PAX1: variants seen among roughly 807,000 people sequenced by gnomAD.
PAX1 encodes paired box 1.
In PAX1, 18 loss-of-function variants were observed where a neutral mutation model predicts 35.6. That is an observed-to-expected ratio of 0.50 (90% CI 0.35 to 0.75). The LOEUF (loss-of-function observed/expected upper bound fraction) is 0.75, where lower values mean the gene tolerates loss of function less well. PAX1 is among the 30% of genes least tolerant of loss of function. The probability of loss-of-function intolerance (pLI) is 0.01; values close to 1 mark genes in which losing one functional copy is unlikely to be tolerated. For missense variants in PAX1, 760 were observed against 661.5 expected (o/e 1.15, Z -1.63); for synonymous variants, 397 against 305.2 (o/e 1.30, Z -3.14).
intron 4 of PAX1, among the ~76,000 whole-genome samples, chr20:21,711,559 A>C (rs755800392): frequency 2.6e-5 from 4 of 152,236 alleles, no homozygotes; most frequent in Non-Finnish European, 4.4e-5. Flanking sequence ...AGCTACAGCA[A>C]TAATTTGTTA....
At position 21,714,505 on chromosome 20, in the gene PAX1, G is replaced by A. The variant is rs576511271; in HGVS notation, c.1317G>A (p.Lys439=). Residue 439 remains lysine, a synonymous_variant, in exon 5 of 5, where the codon AAG becomes AAA. Coordinates refer to ENST00000613128, the MANE Select transcript of PAX1 (RefSeq NM_001257096.2). ...GGAAGCCTCCCAGCTCCGGCAGCAA[G>A]GCCCCGGACGCCCTCAGTAGCTTAC... is the stretch of plus-strand genomic sequence containing the variant. The part of the protein sequence containing the change: ...ADRKPPSSGS[K]APDALSSLHG... 3.0e-5 allele frequency: 47 copies of A among 1,593,040 alleles called. 2 individuals are homozygous for A. The South Asian group carries it at 5.1e-4, about 17-fold the overall frequency.
intron 3 of PAX1, 43 bp downstream of exon 3, chr20:21,708,743 C>T: frequency 6.2e-7 from 1 of 1,604,564 alleles, no homozygotes; most frequent in Admixed American, 1.7e-5. Flanking sequence ...AGTAGGGAAG[C>T]AGAAGGTTTG....
intron 4 of PAX1, among the ~76,000 whole-genome samples, chr20:21,711,825 TC>T (rs1356441778): frequency 1.3e-5 from 2 of 152,204 alleles, no homozygotes; most frequent in African/African-American, 4.8e-5. Flanking sequence ...AAAGATCTAT[TC>T]CCTCAACACA....
Position 21,709,509 on chromosome 20 carries a change from G to C in PAX1, c.1282+65G>C, listed in dbSNP as rs1985134154. 2.4e-6 allele frequency: 3 copies of C among 1,269,488 alleles called. No individual in the cohort carries two copies. In the Admixed American group the frequency reaches 8.0e-5, roughly 34 times the overall value. 78.6% of individuals were successfully genotyped at this position (1,269,488 alleles called of 1,614,324 possible). A position where few individuals can be genotyped will look rare whatever the true frequency, so the allele number is the denominator to read the frequency against. On this transcript the variant is annotated intron_variant, in intron 4 of 4. Coordinates refer to ENST00000613128, the MANE Select transcript of PAX1 (RefSeq NM_001257096.2). ...GGTTAGGAAGGGTACTGGGGAGCGG[G>C]TGTGAGCCTGGGAAAAGGGAGAGCG...
In PAX1 at chr20:21,714,481, G is replaced by T; in HGVS notation, c.1293G>T (p.Arg431Ser). ...TGCTTCCTCCCGCAGTGGCTGACAG[G>T]AAGCCTCCCAGCTCCGGCAGCAAGG... is the stretch of plus-strand genomic sequence containing the variant. ...FKHPSREVAD[R>S]KPPSSGSKAP... The change falls in exon 5 of 5, where the codon AGG becomes AGT. Residue 431 changes from arginine (R) to serine (S), a missense_variant. Coordinates refer to ENST00000613128, the MANE Select transcript of PAX1 (RefSeq NM_001257096.2). 6.3e-7 allele frequency: 1 copy of T among 1,581,106 alleles called. No individual in the cohort carries two copies. Among genetic ancestry groups the T allele is most frequent in the Non-Finnish European group, 8.6e-7 (1 of 1,165,960 alleles).
intron 4 of PAX1, among the ~76,000 whole-genome samples, chr20:21,711,241 G>T (rs1985191248): frequency 6.6e-6 from 1 of 152,248 alleles, no homozygotes; most frequent in Non-Finnish European, 1.5e-5. Flanking sequence ...GTCTTCAGAG[G>T]AATGCATTTG....
rs1383285127 is a variant in PAX1 at position 21,709,268 on chromosome 20, C to T, written c.1106C>T (p.Ala369Val). The T allele has an allele frequency of 1.2e-6, 2 of 1,606,158 alleles. No homozygotes were observed. Among genetic ancestry groups the T allele is most frequent in the Non-Finnish European group, 1.7e-6 (2 of 1,179,738 alleles). The change falls in exon 4 of 5, where the codon GCC (alanine) becomes GTC (valine). Residue 369 changes from alanine (A) to valine (V), a missense_variant. Transcript: ENST00000613128. ...GTGGGCGGCTTTCTCCCCGCCTGCG[C>T]CTACCCGGCCTCCAACCAGCACGGC... ...SAVGGFLPACAYPASNQHGVY... is the reference protein window; with the variant it reads ...SAVGGFLPACVYPASNQHGVY...
At position 21,714,699 on chromosome 20, in the gene PAX1, G is replaced by T. The variant is rs548505195; in HGVS notation, c.*137G>T. Reference sequence around the variant, plus strand: ...GGAGGAAGCCAGTGCCGGCCCGCGGGGTGCACGCCCAGCCAGCCCCCAGGC... The same window carrying T: ...GGAGGAAGCCAGTGCCGGCCCGCGGTGTGCACGCCCAGCCAGCCCCCAGGC... On this transcript the variant is annotated 3_prime_UTR_variant, in exon 5 of 5. Coordinates refer to ENST00000613128, the MANE Select transcript of PAX1 (RefSeq NM_001257096.2). 1.2e-6 allele frequency: 2 copies of T among 1,606,068 alleles called. No individual in the cohort carries two copies. Among genetic ancestry groups the T allele is most frequent in the Non-Finnish European group, 1.7e-6 (2 of 1,179,520 alleles).
intron 4 of PAX1, among the ~76,000 whole-genome samples, chr20:21,712,386 A>G (rs17861046): frequency 0.011 from 1,636 of 152,284 alleles, 30 homozygotes; most frequent in African/African-American, 0.038. Context: ...AGAATAGAAA[A>G]AGTTTCGCTT....
Position 21,714,697 on chromosome 20 carries a change from G to A in PAX1, c.*135G>A, listed in dbSNP as rs1568698574. The A allele has an allele frequency of 6.2e-7, 1 of 1,605,962 alleles. No homozygotes were observed. The highest frequency in any genetic ancestry group is 1.3e-5 in the African/African-American group (1 of 74,910). On this transcript the variant is annotated 3_prime_UTR_variant, in exon 5 of 5. Transcript: ENST00000613128. ...GAGGAGGAAGCCAGTGCCGGCCCGCGGGGTGCACGCCCAGCCAGCCCCCAG... is the reference window on the plus strand; with the variant it reads ...GAGGAGGAAGCCAGTGCCGGCCCGCAGGGTGCACGCCCAGCCAGCCCCCAG...
chr20:21,711,436 C>T (rs1186530526), intron 4 of PAX1, among the ~76,000 whole-genome samples: 1 of 152,198 alleles, frequency 6.6e-6, no homozygotes, highest in East Asian at 1.9e-4. Context: ...GATTGATTTT[C>T]TTTAGAAGAC....
chr20:21,714,969 C>A lies in PAX1; in HGVS notation c.*407C>A. 1 of 709,414 alleles carries A rather than the reference C, an allele frequency of 1.4e-6. No individual in the cohort carries two copies. The highest frequency in any genetic ancestry group is 2.5e-6 in the Non-Finnish European group (1 of 402,434). 43.9% of individuals were successfully genotyped at this position (709,414 alleles called of 1,614,324 possible). A position where few individuals can be genotyped will look rare whatever the true frequency, so the allele number is the denominator to read the frequency against. On this transcript the variant is annotated 3_prime_UTR_variant, in exon 5 of 5. Coordinates refer to ENST00000613128, the MANE Select transcript of PAX1 (RefSeq NM_001257096.2). Reference sequence around the variant, plus strand: ...CTCCCTCCCTTCCCTTTCTCTTTCCCTTCCTCCCTACCTTCCACCCCGGCT... The same window carrying A: ...CTCCCTCCCTTCCCTTTCTCTTTCCATTCCTCCCTACCTTCCACCCCGGCT...
intron 4 of PAX1, 126 bp downstream of exon 4, chr20:21,709,570 C>A: frequency 1.4e-6 from 1 of 690,646 alleles, no homozygotes; most frequent in Middle Eastern, 4.1e-4. Flanking sequence ...ATGAACCCTT[C>A]TTCTGGGTTA....
At chr20:21,709,583 C>G in intron 4 of PAX1, 139 bp downstream of exon 4, 2 of 654,794 alleles carry the variant, frequency 3.1e-6, no homozygotes, top group Non-Finnish European at 5.1e-6. Context: ...CTGGGTTAAC[C>G]TTTGAGCATG....
In PAX1 at chr20:21,705,801, G is replaced by A. The variant is rs1984957649; in HGVS notation, c.89G>A (p.Gly30Asp). 2.3e-6 allele frequency: 3 copies of A among 1,281,030 alleles called. No homozygotes were observed. Among genetic ancestry groups the A allele is most frequent in the South Asian group, 6.3e-5 (2 of 31,664 alleles). 79.4% of individuals were successfully genotyped at this position (1,281,030 alleles called of 1,614,324 possible). ...GCGGCGGCAGGCCCTGGAGCGGGCG[G>A]CAGCGCGCTCCGCTGCCGCGCACAG... Reference protein sequence around the residue: ...AAAAAGPGAGGSALRCRAQRV... With the variant: ...AAAAAGPGAGDSALRCRAQRV... The change falls in exon 1 of 5, where the codon GGC becomes GAC. Residue 30 changes from glycine (G) to aspartate (D), a missense_variant. This residue lies in a region of PAX1 where 222 missense variants were observed against 153.0 expected (regional missense o/e 1.45). Coordinates refer to ENST00000613128, the MANE Select transcript of PAX1 (RefSeq NM_001257096.2).
chr20:21,708,139 G>T (rs1281048840), intron 2 of PAX1: 2 of 313,672 alleles, frequency 6.4e-6, no homozygotes, highest in Non-Finnish European at 1.2e-5. Flanking sequence ...GTTTCCAGAG[G>T]CAGTTCTCGT....
Position 21,705,824 on chromosome 20 carries a change from C to A in PAX1, c.112C>A (p.Gln38Lys). 2 of 1,336,254 alleles carry A rather than the reference C, an allele frequency of 1.5e-6. No homozygotes were observed. Among genetic ancestry groups the A allele is most frequent in the South Asian group, 2.0e-5 (1 of 49,574 alleles). 82.8% of individuals were successfully genotyped at this position (1,336,254 alleles called of 1,614,324 possible). The part of the protein sequence containing the change: ...AGGSALRCRA[Q>K]RVSSPRLGRR... ...CGGCAGCGCGCTCCGCTGCCGCGCA[C>A]AGCGCGTCTCCAGCCCGCGGCTGGG... The change falls in exon 1 of 5, where the codon CAG (glutamine) becomes AAG (lysine). Residue 38 changes from glutamine (Q) to lysine (K), a missense_variant. Transcript: ENST00000613128.
chr20:21,707,647 A>T (rs1600325955), intron 2 of PAX1, among the ~76,000 whole-genome samples: 1 of 152,302 alleles, frequency 6.6e-6, no homozygotes, highest in East Asian at 1.9e-4. Flanking sequence ...CTATAGGTCA[A>T]GTGGGTGACG....
rs1260730634 is a variant in PAX1, at chr20:21,706,937, C to T, written c.786C>T (p.Pro262=). Reference sequence around the variant, plus strand: ...ACCCCTACCCCAGTCCCGTGTCGCCCACGGGCGCCAAGATGGGCAGCCACC... The same window carrying T: ...ACCCCTACCCCAGTCCCGTGTCGCCTACGGGCGCCAAGATGGGCAGCCACC... The part of the protein sequence containing the change: ...YQYPYPSPVS[P]TGAKMGSHPG... The change falls in exon 2 of 5, where the codon CCC becomes CCT. Residue 262 remains proline, a synonymous_variant. Transcript: ENST00000613128. This position sits in a 1 kb window ranked among gnomAD's most constrained non-coding sequence, Gnocchi z 5.3. 6.2e-7 allele frequency: 1 copy of T among 1,612,564 alleles called. No individual in the cohort carries two copies. The highest frequency in any genetic ancestry group is 1.1e-5 in the South Asian group (1 of 91,046).
Sources: gnomAD v4.1 joint callset for allele counts (sites outside exome capture counted in the v4.1 genomes callset) on GRCh38, gnomAD v4.1.1 for gene constraint, gnomAD v4.1.1 regional missense constraint, Gnocchi (gnomAD v3.1) non-coding constraint, MANE v1.5 for transcripts, NCBI Gene and HGNC (gene_info 2026-07-23, HGNC 2026-07-21) for gene names.